The following RAPGEF1 variants were observed in gnomAD, a reference collection of about 807,000 sequenced individuals.
RAPGEF1 encodes Rap guanine nucleotide exchange factor 1, also known as CRK SH3-binding GNRP.
A neutral mutation model predicts 143.3 loss-of-function variants in RAPGEF1; 33 were observed. That is an observed-to-expected ratio of 0.23 (90% CI 0.17 to 0.31). The LOEUF (loss-of-function observed/expected upper bound fraction) is 0.31. Among genes scored for constraint, RAPGEF1 ranks in the 10% least tolerant of loss-of-function variants. The pLI is 1.00. For missense variants in RAPGEF1, 1,199 were observed against 1,645.4 expected (o/e 0.73, Z 4.69); for synonymous variants, 629 against 676.5 (o/e 0.93, Z 1.09).
chr9:131,610,095 T>C (rs1957801602), intron 12 of RAPGEF1, among the ~76,000 whole-genome samples: 1 of 152,194 alleles, frequency 6.6e-6, no homozygotes, highest in Non-Finnish European at 1.5e-5. Context: ...AGCGTTTTGC[T>C]GTGTTGCTCA....
In RAPGEF1 at chr9:131,638,501, G is replaced by C. The variant is rs1966859387; in HGVS notation, c.651+134C>G. 4 of 996,596 alleles carry C rather than the reference G, an allele frequency of 4.0e-6. No homozygotes were observed. The East Asian group carries it at 7.5e-5, about 19-fold the overall frequency. The allele number at this position is 996,596 out of a possible 1,614,324, so 61.7% of individuals were successfully genotyped here. ...GAGAGAAGTAAGTAGTTATGGGATAGAGCGCACCAACACCAGAGACGCAGA... is the reference window on the plus strand; with the variant it reads ...GAGAGAAGTAAGTAGTTATGGGATACAGCGCACCAACACCAGAGACGCAGA... On this transcript the variant is annotated intron_variant, in intron 5 of 26. Transcript: ENST00000683357.
chr9:131,607,605 C>T (rs887345887), intron 12 of RAPGEF1, among the ~76,000 whole-genome samples: 7 of 152,116 alleles, frequency 4.6e-5, no homozygotes, highest in South Asian at 2.1e-4. Flanking sequence ...TCAGGGAACC[C>T]TTGTATGACT....
intron 22 of RAPGEF1, among the ~76,000 whole-genome samples, chr9:131,586,964 TCAAACACA>T (rs1253961485): frequency 4.2e-4 from 22 of 53,002 alleles, no homozygotes; most frequent in African/African-American, 1.5e-3. Context: ...AGACTCCGTC[TCAAACACA>T]CACACACACA....
chr9:131,686,487 A>T (rs144182061), intron 1 of RAPGEF1, among the ~76,000 whole-genome samples: 1 of 152,322 alleles, frequency 6.6e-6, no homozygotes, highest in Non-Finnish European at 1.5e-5. Context: ...TCCACTACAC[A>T]ACTGGGCAGC....
intron 1 of RAPGEF1, among the ~76,000 whole-genome samples, chr9:131,687,194 T>C (rs1357021370): frequency 1.3e-5 from 2 of 152,150 alleles, no homozygotes; most frequent in Non-Finnish European, 2.9e-5. Flanking sequence ...TTTTTGTTCT[T>C]TTGTTTTATT....
intron 1 of RAPGEF1, among the ~76,000 whole-genome samples, chr9:131,734,533 G>T (rs1837294939): frequency 6.6e-6 from 1 of 152,196 alleles, no homozygotes; most frequent in Non-Finnish European, 1.5e-5. Flanking sequence ...GTTAAAACGG[G>T]TGAGTGAAAG....
At chr9:131,634,851 T>C (rs1965921576) in intron 5 of RAPGEF1, among the ~76,000 whole-genome samples, 1 of 151,020 alleles carries the variant, frequency 6.6e-6, no homozygotes, top group African/African-American at 2.4e-5. Context: ...AGAGGTGGGG[T>C]ACCGATTTCA....
chr9:131,692,994 TGGCTAAGG>T (rs1195579618), intron 1 of RAPGEF1, among the ~76,000 whole-genome samples: 1 of 152,212 alleles, frequency 6.6e-6, no homozygotes, highest in Non-Finnish European at 1.5e-5. Flanking sequence ...ATGGGGACCC[TGGCTAAGG>T]GGCATACTCC....
chr9:131,594,271 A>T (rs733530), intron 17 of RAPGEF1, among the ~76,000 whole-genome samples: 130,308 of 152,252 alleles, frequency 0.86, 56,001 homozygotes, highest in African/African-American at 0.93. Flanking sequence ...CTGGTCTTTG[A>T]GACAGCCCTA....
chr9:131,678,400 A>G (rs1832617790), intron 1 of RAPGEF1, among the ~76,000 whole-genome samples: 1 of 152,236 alleles, frequency 6.6e-6, no homozygotes. Flanking sequence ...TGCTTTTACA[A>G]GATCTATGAT....
intron 1 of RAPGEF1, among the ~76,000 whole-genome samples, chr9:131,731,062 C>A (rs1380681138): frequency 1.3e-5 from 2 of 152,186 alleles, no homozygotes; most frequent in African/African-American, 2.4e-5. Context: ...GTCAGATGGG[C>A]TTTAGTCCTA....
intron 3 of RAPGEF1, among the ~76,000 whole-genome samples, chr9:131,645,723 C>A (rs1969391419): frequency 6.6e-6 from 1 of 152,226 alleles, no homozygotes; most frequent in African/African-American, 2.4e-5. Flanking sequence ...GCTGAAGCTG[C>A]CTCGCTGCAT....
At chr9:131,731,485 T>G (rs1372542431) in intron 1 of RAPGEF1, among the ~76,000 whole-genome samples, 3 of 152,364 alleles carry the variant, frequency 2.0e-5, no homozygotes, top group Non-Finnish European at 2.9e-5. Context: ...AAGTGGCTAT[T>G]TAACACGGTC....
intron 3 of RAPGEF1, among the ~76,000 whole-genome samples, chr9:131,645,992 T>C (rs1415213545): frequency 2.0e-5 from 3 of 152,082 alleles, no homozygotes; most frequent in Non-Finnish European, 2.9e-5. Flanking sequence ...TAACAGGCAC[T>C]ATACCAACAC....
At chr9:131,639,723 C>CA (rs1967306676) in intron 4 of RAPGEF1, among the ~76,000 whole-genome samples, 1 of 151,578 alleles carries the variant, frequency 6.6e-6, no homozygotes, top group African/African-American at 2.4e-5. Flanking sequence ...AAAAAACACA[C>CA]AAAAAACAAA....
chr9:131,684,700 CA>C (rs1234262222), intron 1 of RAPGEF1, among the ~76,000 whole-genome samples: 2 of 152,246 alleles, frequency 1.3e-5, no homozygotes, highest in East Asian at 3.9e-4. Flanking sequence ...GATCCGATAA[CA>C]AAAAGTTGGG....
At chr9:131,670,906 C>A (rs1344719413) in intron 1 of RAPGEF1, among the ~76,000 whole-genome samples, 1 of 152,230 alleles carries the variant, frequency 6.6e-6, no homozygotes, top group Non-Finnish European at 1.5e-5. Flanking sequence ...CCTTAGCAGT[C>A]TGTGATCAGT....
At chr9:131,707,598 G>A (rs976303904) in intron 1 of RAPGEF1, among the ~76,000 whole-genome samples, 2 of 152,062 alleles carry the variant, frequency 1.3e-5, no homozygotes, top group East Asian at 1.9e-4. Flanking sequence ...GCACCAGCAC[G>A]CCTGGCTAAT....
In RAPGEF1 at chr9:131,667,519, G is replaced by C. The variant is rs1447741942; in HGVS notation, c.62-16570C>G. On this transcript the variant is annotated intron_variant, in intron 1 of 26. Transcript: ENST00000683357. This position sits in a 1 kb window ranked among gnomAD's most constrained non-coding sequence, Gnocchi z 4.6. Reference sequence around the variant, plus strand: ...ATGTCACTGTGCAAGGTCTGGTGATGGAATGCATGGAAAAAGAGGCAGTCT... The same window carrying C: ...ATGTCACTGTGCAAGGTCTGGTGATCGAATGCATGGAAAAAGAGGCAGTCT... Among the ~76,000 whole-genome samples, 1 of 152,192 alleles carries C rather than the reference G, an allele frequency of 6.6e-6. No homozygotes were observed. Among genetic ancestry groups the C allele is most frequent in the Non-Finnish European group, 1.5e-5 (1 of 68,030 alleles).
Sources: allele counts gnomAD v4.1 joint callset (sites outside exome capture counted in the v4.1 genomes callset), GRCh38; gene constraint gnomAD v4.1.1; non-coding constraint Gnocchi (gnomAD v3.1); transcripts MANE v1.5; gene names NCBI Gene and HGNC (gene_info 2026-07-23, HGNC 2026-07-21).